CLNS1A: variants seen among roughly 807,000 people sequenced by gnomAD.
The protein encoded by CLNS1A is chloride nucleotide-sensitive channel 1A.
A neutral mutation model predicts 29.4 loss-of-function variants in CLNS1A; 16 were observed. The ratio of observed to expected loss-of-function variants is 0.54; its 90% CI spans 0.37 to 0.83. The LOEUF is 0.83. Ranked by LOEUF, CLNS1A falls within the 40% of genes least tolerant of loss-of-function variation. CLNS1A has a pLI of 0.00. For synonymous variants in CLNS1A, 96 were observed against 104.8 expected, an observed-to-expected ratio of 0.92 and a Z score of 0.51; for missense variants, 235 against 287.4, an observed-to-expected ratio of 0.82 and a Z score of 1.32.
chr11:77,633,486 G>A (rs1959094560), intron 1 of CLNS1A, among the ~76,000 whole-genome samples: 1 of 152,140 alleles, frequency 6.6e-6, no homozygotes. Flanking sequence ...AAGAAACCGT[G>A]AGTCAAAAGG....
At position 77,629,828 on chromosome 11, in the gene CLNS1A, A is replaced by G; in HGVS notation, c.197T>C (p.Leu66Ser). The G allele has an allele frequency of 1.7e-5, 27 of 1,613,380 alleles. No individual in the cohort carries two copies. Among genetic ancestry groups the G allele is most frequent in the Non-Finnish European group, 2.1e-5 (25 of 1,179,386 alleles). Residue 66 changes from leucine to serine, a missense_variant, in exon 2 of 7, where the codon TTA becomes TCA. Coordinates refer to ENST00000525428, the MANE Select transcript of CLNS1A (RefSeq NM_001293.3). ...LEYPTISLHA[L>S]SRDRSDCLGE... ...TAGACAGTCACTTCGGTCCCTGGAT[A>G]ATGCATGTAAACTAATGGTGGGGTA...
chr11:77,634,797 T>C (rs1357247244), intron 1 of CLNS1A, among the ~76,000 whole-genome samples: 1 of 148,440 alleles, frequency 6.7e-6, no homozygotes, highest in East Asian at 2.0e-4. Flanking sequence ...AAACAAATAA[T>C]GTTTAATTTT....
intron 1 of CLNS1A, among the ~76,000 whole-genome samples, chr11:77,636,820 T>C (rs1373508292): frequency 1.3e-5 from 2 of 152,102 alleles, no homozygotes. Flanking sequence ...AAAGATTCGA[T>C]GTGTCATTAC....
intron 2 of CLNS1A, among the ~76,000 whole-genome samples, chr11:77,629,399 CTT>C (rs779725502): frequency 5.6e-5 from 8 of 141,988 alleles, no homozygotes; most frequent in Admixed American, 2.1e-4. Flanking sequence ...TCTTTTTTTT[CTT>C]TTTTTTTTTT....
chr11:77,622,612 T>C lies in CLNS1A; in HGVS notation c.534A>G (p.Thr178=). 2 of 1,613,768 alleles carry C rather than the reference T, an allele frequency of 1.2e-6. No individual in the cohort carries two copies. The highest frequency in any genetic ancestry group is 1.7e-6 in the Non-Finnish European group (2 of 1,179,820). ...TCTCCAGTGTGGCTTGGCCTTCTGC[T>C]GTTAGATGGGATAATCCTTCTTCAT... The part of the protein sequence containing the change: ...YTYEEGLSHL[T]AEGQATLERL... The change falls in exon 5 of 7, where the codon ACA becomes ACG. Residue 178 remains threonine, a synonymous_variant. Coordinates refer to ENST00000525428, the MANE Select transcript of CLNS1A (RefSeq NM_001293.3).
At chr11:77,616,854 T>C (rs1157589857) in intron 6 of CLNS1A, among the ~76,000 whole-genome samples, 159 bp from the exon 7 acceptor site, 1 of 152,156 alleles carries the variant, frequency 6.6e-6, no homozygotes, top group Non-Finnish European at 1.5e-5. Flanking sequence ...ATTTTACAGA[T>C]GGGGGAAGTG....
chr11:77,624,559 C>G (rs938147526), intron 4 of CLNS1A, among the ~76,000 whole-genome samples: 1 of 152,186 alleles, frequency 6.6e-6, no homozygotes, highest in African/African-American at 2.4e-5. Context: ...GTGGCTCACA[C>G]CTGTAATCCC....
intron 2 of CLNS1A, among the ~76,000 whole-genome samples, chr11:77,627,239 C>T (rs1959029305): frequency 6.6e-6 from 1 of 150,678 alleles, no homozygotes; most frequent in Non-Finnish European, 1.5e-5. Flanking sequence ...GGAGAGCATC[C>T]TGGCCAACAC....
intron 2 of CLNS1A, among the ~76,000 whole-genome samples, chr11:77,627,194 G>T (rs567575991): frequency 1.3e-5 from 2 of 151,768 alleles, no homozygotes; most frequent in Admixed American, 6.6e-5. Flanking sequence ...AGCCCTTTGG[G>T]AGGCTGAGGT....
In CLNS1A at chr11:77,628,363, G is replaced by A. The variant is rs73504734; in HGVS notation, c.262+1400C>T. 2.3e-3 allele frequency among the ~76,000 whole-genome samples: 351 copies of A among 152,296 alleles called. 3 individuals are homozygous for A. Among genetic ancestry groups the A allele is most frequent in the African/African-American group, 7.7e-3 (319 of 41,572 alleles). On this transcript the variant is annotated intron_variant, in intron 2 of 6. Coordinates refer to ENST00000525428, the MANE Select transcript of CLNS1A (RefSeq NM_001293.3). ...TAATATTCTTGGTTATAAAATCATA[G>A]TTGCATTTACTTAGATGGAGAGTAA...
intron 5 of CLNS1A, among the ~76,000 whole-genome samples, chr11:77,621,416 A>AT (rs1239329457): frequency 2.0e-5 from 3 of 152,090 alleles, no homozygotes; most frequent in East Asian, 3.9e-4. Flanking sequence ...AATTATATTT[A>AT]TTTTTTTCTA....
At position 77,628,874 on chromosome 11, in the gene CLNS1A, G is replaced by A. The variant is rs143022624; in HGVS notation, c.262+889C>T. Among the ~76,000 whole-genome samples the A allele has an allele frequency of 6.2e-4, 95 of 152,258 alleles. No homozygotes were observed. The East Asian group carries it at 0.015, about 25-fold the overall frequency. On this transcript the variant is annotated intron_variant, in intron 2 of 6. Coordinates refer to ENST00000525428, the MANE Select transcript of CLNS1A (RefSeq NM_001293.3). ...TCAACCTTGGCACTACTGACATTTG[G>A]ATGGAATAATTCTTTGTTGTGGGGG... is the stretch of plus-strand genomic sequence containing the variant.
chr11:77,616,274 T>C lies in CLNS1A; in HGVS notation c.*444A>G, dbSNP rs183676179. On this transcript the variant is annotated 3_prime_UTR_variant, in exon 7 of 7. Transcript: ENST00000525428. The stretch of plus-strand genomic sequence containing the variant: ...TGTTACAGAAACTAACCTAAAAGGC[T>C]GGAAATTAAAGGATACAACCTAAGA... The C allele has an allele frequency of 6.6e-6, 1 of 152,282 alleles. No homozygotes were observed. The highest frequency in any genetic ancestry group is 1.9e-4 in the East Asian group (1 of 5,182). The allele number at this position is 152,282 out of a possible 1,614,324, so 9.4% of individuals were successfully genotyped here. A position where few individuals can be genotyped will look rare whatever the true frequency, so the allele number is the denominator to read the frequency against.
intron 4 of CLNS1A, among the ~76,000 whole-genome samples, chr11:77,622,897 G>A (rs1296826891): frequency 2.0e-5 from 3 of 148,478 alleles, no homozygotes; most frequent in Admixed American, 1.4e-4. Flanking sequence ...GCAGTGAACC[G>A]AGATCACGCC....
chr11:77,615,242 A>G lies in CLNS1A; in HGVS notation c.*1476T>C, dbSNP rs527437615. 6.6e-6 allele frequency: 1 copy of G among 152,298 alleles called. No individual in the cohort carries two copies. Among genetic ancestry groups the G allele is most frequent in the Admixed American group, 6.5e-5 (1 of 15,282 alleles). The allele number at this position is 152,298 out of a possible 1,614,324, so 9.4% of individuals were successfully genotyped here. ...ACTGAAGAATGGACAAACTTCTAGG[A>G]TAGAATTATGGGTGTTGCTCAGATG... is the stretch of plus-strand genomic sequence containing the variant. On this transcript the variant is annotated 3_prime_UTR_variant, in exon 7 of 7. Transcript: ENST00000525428.
intron 1 of CLNS1A, among the ~76,000 whole-genome samples, chr11:77,630,452 T>C (rs1255825541): frequency 6.6e-6 from 1 of 152,212 alleles, no homozygotes; most frequent in Non-Finnish European, 1.5e-5. Flanking sequence ...TTGGTAATCA[T>C]GCATTTCTCC....
intron 4 of CLNS1A, 56 bp from the exon 5 acceptor site, chr11:77,622,729 G>A (rs1256246200): frequency 2.2e-5 from 30 of 1,347,210 alleles, no homozygotes; most frequent in Non-Finnish European, 3.0e-5. Flanking sequence ...AAACAAAATG[G>A]AATCAATAAT....
At chr11:77,624,360 A>T (rs571054935) in intron 4 of CLNS1A, among the ~76,000 whole-genome samples, 1 of 152,284 alleles carries the variant, frequency 6.6e-6, no homozygotes, top group African/African-American at 2.4e-5. Context: ...GCCTCAGCTT[A>T]AAAGACTTTC....
Position 77,625,784 on chromosome 11 carries a change from CTCTTCT to C in CLNS1A, c.291_296del (p.Glu99_Glu100del), listed in dbSNP as rs773032900. On this transcript the variant is annotated inframe_deletion, in exon 3 of 7. Transcript: ENST00000525428. ...GTTCAACATCATCATCACTGTCTTCCTCTTCTTCATCAGCAACAGGTTCTTTTGATT... is the reference window on the plus strand; with the variant it reads ...GTTCAACATCATCATCACTGTCTTCCTCATCAGCAACAGGTTCTTTTGATT... 1 of 1,602,538 alleles carries C rather than the reference CTCTTCT, an allele frequency of 6.2e-7. No individual in the cohort carries two copies.
Sources: gnomAD v4.1 joint callset for allele counts (sites outside exome capture counted in the v4.1 genomes callset) on GRCh38, gnomAD v4.1.1 for gene constraint, MANE v1.5 for transcripts, NCBI Gene and HGNC (gene_info 2026-07-23, HGNC 2026-07-21) for gene names.